The following LPP variants were observed in gnomAD, a reference collection of about 807,000 sequenced individuals.
The protein encoded by LPP is LIM domain containing preferred translocation partner in lipoma.
Under a neutral mutation model 60.4 loss-of-function variants are expected in LPP, and 38 were observed. That is an observed-to-expected ratio of 0.63 (90% CI 0.49 to 0.83). The LOEUF (loss-of-function observed/expected upper bound fraction) is 0.83, where lower values mean the gene tolerates loss of function less well. LPP is among the 40% of genes least tolerant of loss of function. The probability of loss-of-function intolerance (pLI) is 0.00; values close to 1 mark genes in which losing one functional copy is unlikely to be tolerated. For missense variants in LPP, 902 were observed against 783.6 expected (o/e 1.15, Z -1.80); for synonymous variants, 328 against 290.8 (o/e 1.13, Z -1.30).
chr3:188,217,368 G>A lies in LPP; in HGVS notation c.-189-8037G>A, dbSNP rs1714045946. ...GTGCTGGCAGGATGTGGGCTGCAGG[G>A]GAAGAAGCAGGAGAAAAGAATAGGG... On this transcript the variant is annotated intron_variant, in intron 1 of 11. Coordinates refer to ENST00000617246, the MANE Select transcript of LPP (RefSeq NM_001375462.1). The surrounding 1 kb of genome is among the most constrained non-coding windows in gnomAD (Gnocchi z 4.0). 6.6e-6 allele frequency among the ~76,000 whole-genome samples: 1 copy of A among 152,160 alleles called. No individual in the cohort carries two copies. Among genetic ancestry groups the A allele is most frequent in the South Asian group, 2.1e-4 (1 of 4,832 alleles).
intron 2 of LPP, among the ~76,000 whole-genome samples, chr3:188,300,501 AG>A (rs1749464964): frequency 7.1e-6 from 1 of 140,146 alleles, no homozygotes; most frequent in Non-Finnish European, 1.5e-5. Flanking sequence ...TGAAGTATCC[AG>A]TTTTTTAAAT....
chr3:188,270,356 A>G (rs1330896378), intron 2 of LPP, among the ~76,000 whole-genome samples: 1 of 151,734 alleles, frequency 6.6e-6, no homozygotes, highest in Non-Finnish European at 1.5e-5. Flanking sequence ...TACGTGTGTT[A>G]AACTTGCCAC....
At chr3:188,498,636 T>TG (rs2149837468) in intron 5 of LPP, among the ~76,000 whole-genome samples, 1 of 152,280 alleles carries the variant, frequency 6.6e-6, no homozygotes, top group African/African-American at 2.4e-5. Flanking sequence ...TAGAAATCAC[T>TG]CTTTTGGACC....
intron 2 of LPP, among the ~76,000 whole-genome samples, chr3:188,306,428 G>A (rs1751567152): frequency 1.3e-5 from 2 of 152,026 alleles, no homozygotes; most frequent in Admixed American, 1.3e-4. Flanking sequence ...CAGAATTGTG[G>A]GATGAATGGA....
intron 7 of LPP, among the ~76,000 whole-genome samples, chr3:188,677,050 C>T (rs571438651): frequency 2.6e-5 from 4 of 152,180 alleles, no homozygotes; most frequent in East Asian, 1.9e-4. Context: ...TGCAAGGAAC[C>T]GACTGTTGAC....
chr3:188,218,164 T>C (rs1714374528), intron 1 of LPP, among the ~76,000 whole-genome samples: 1 of 152,248 alleles, frequency 6.6e-6, no homozygotes, highest in South Asian at 2.1e-4. Flanking sequence ...AGCCTCTCCT[T>C]GTCTTGAGGA....
At chr3:188,576,024 C>A (rs1288108573) in intron 6 of LPP, among the ~76,000 whole-genome samples, 3 of 152,150 alleles carry the variant, frequency 2.0e-5, no homozygotes, top group Non-Finnish European at 4.4e-5. Context: ...ATACTTTCCA[C>A]CCCCAAGCAC....
chr3:188,592,557 G>GTTTGTTTTTTT (rs1260656926), intron 6 of LPP, among the ~76,000 whole-genome samples: 21 of 85,758 alleles, frequency 2.4e-4, no homozygotes, highest in African/African-American at 5.9e-4. Context: ...TTTTGTTTTT[G>GTTTGTTTTTTT]TTTTTTAAAT....
Position 188,609,731 on chromosome 3 carries a change from C to G in LPP, c.1000C>G (p.Pro334Ala). ...NTWKREPGYT[P>A]PGAGNQNPPG... ...CTGGAAACGGGAACCAGGGTACACTCCTCCTGGAGCAGGGAACCAGAACCC... is the reference window on the plus strand; with the variant it reads ...CTGGAAACGGGAACCAGGGTACACTGCTCCTGGAGCAGGGAACCAGAACCC... The change falls in exon 7 of 12, where the codon CCT becomes GCT. Residue 334 changes from proline (P) to alanine (A), a missense_variant. Transcript: ENST00000617246. The surrounding 1 kb of genome is among the most constrained non-coding windows in gnomAD (Gnocchi z 6.9). 6.2e-7 allele frequency: 1 copy of G among 1,614,144 alleles called. No individual in the cohort carries two copies. The highest frequency in any genetic ancestry group is 1.3e-5 in the African/African-American group (1 of 75,028).
At chr3:188,248,055 T>C (rs146859071) in intron 2 of LPP, among the ~76,000 whole-genome samples, 363 of 152,194 alleles carry the variant, frequency 2.4e-3, no homozygotes, top group African/African-American at 8.5e-3. Context: ...GAACTATTGA[T>C]CTAGTCTTGA....
chr3:188,613,814 T>G (rs1031037620), intron 7 of LPP, among the ~76,000 whole-genome samples: 5 of 152,054 alleles, frequency 3.3e-5, no homozygotes, highest in African/African-American at 1.2e-4. Context: ...GACTTTAAGA[T>G]CTGTAATTTC....
At chr3:188,534,845 A>G (rs551989420) in intron 6 of LPP, among the ~76,000 whole-genome samples, 2 of 152,312 alleles carry the variant, frequency 1.3e-5, no homozygotes, top group Non-Finnish European at 2.9e-5. Flanking sequence ...TTTCATGGTG[A>G]GTAACTGGTT....
intron 6 of LPP, among the ~76,000 whole-genome samples, chr3:188,531,726 C>T (rs1822227497): frequency 6.6e-6 from 1 of 152,156 alleles, no homozygotes; most frequent in South Asian, 2.1e-4. Context: ...TAGCCCTGTG[C>T]ACTTCATCAT....
intron 9 of LPP, among the ~76,000 whole-genome samples, chr3:188,853,423 A>C (rs1179061698): frequency 6.6e-6 from 1 of 152,250 alleles, no homozygotes; most frequent in Non-Finnish European, 1.5e-5. Context: ...TAACATTCAC[A>C]TATCATGGGC....
chr3:188,589,588 T>A (rs1838225351), intron 6 of LPP, among the ~76,000 whole-genome samples: 1 of 152,214 alleles, frequency 6.6e-6, no homozygotes, highest in Admixed American at 6.5e-5. Flanking sequence ...TTAAAAAGAT[T>A]ATATCCTGAA....
At chr3:188,759,436 T>C (rs1731409777) in intron 8 of LPP, 1 of 152,224 alleles carries the variant, frequency 6.6e-6, no homozygotes. Context: ...TGAATTTTGA[T>C]GTATTAAAGG....
At chr3:188,613,261 C>CTATACCTATAT (rs1553944171) in intron 7 of LPP, among the ~76,000 whole-genome samples, 1 of 117,336 alleles carries the variant, frequency 8.5e-6, no homozygotes, top group Non-Finnish European at 1.9e-5. Flanking sequence ...TATATCTATA[C>CTATACCTATAT]CTATATCTAT....
At chr3:188,289,104 T>G (rs540536705) in intron 2 of LPP, among the ~76,000 whole-genome samples, 1 of 152,128 alleles carries the variant, frequency 6.6e-6, no homozygotes, top group South Asian at 2.1e-4. Flanking sequence ...TGAGTGAAAA[T>G]GGACAACTGA....
Position 188,700,517 on chromosome 3 carries a change from T to C in LPP, c.1114-7750T>C, listed in dbSNP as rs147761594. On this transcript the variant is annotated intron_variant, in intron 7 of 11. Coordinates refer to ENST00000617246, the MANE Select transcript of LPP (RefSeq NM_001375462.1). ...CCTTAGTGCGGGCTGTTTCCCATGC[T>C]TCCTTTTTCCTTTAGAAAGGATGAT... Among the ~76,000 whole-genome samples the C allele has an allele frequency of 5.8e-4, 89 of 152,340 alleles. 1 individual carries two copies. The East Asian group carries it at 0.017, about 29-fold the overall frequency.
Sources: gnomAD v4.1 joint callset for allele counts (sites outside exome capture counted in the v4.1 genomes callset) on GRCh38, gnomAD v4.1.1 for gene constraint, Gnocchi (gnomAD v3.1) non-coding constraint, MANE v1.5 for transcripts, NCBI Gene and HGNC (gene_info 2026-07-23, HGNC 2026-07-21) for gene names.